Variants in MASTL observed in about 807,000 individuals in gnomAD.
The protein encoded by MASTL is serine/threonine-protein kinase greatwall.
In MASTL, 54 loss-of-function variants were observed where a neutral mutation model predicts 82.5. The ratio of observed to expected loss-of-function variants is 0.65; its 90% CI spans 0.53 to 0.82. The LOEUF is 0.82. Ranked by LOEUF, MASTL falls within the 40% of genes least tolerant of loss-of-function variation. The probability of loss-of-function intolerance (pLI) is 0.00; values close to 1 mark genes in which losing one functional copy is unlikely to be tolerated. For missense variants in MASTL, 950 were observed against 1,047.8 expected, an observed-to-expected ratio of 0.91 and a Z score of 1.29; for synonymous variants, 323 against 368.9, an observed-to-expected ratio of 0.88 and a Z score of 1.43.
intron 11 of MASTL, among the ~76,000 whole-genome samples, chr10:27,182,125 C>T (rs12269297): frequency 0.1 from 15,147 of 150,758 alleles, 2,499 homozygotes; most frequent in African/African-American, 0.35. Context: ...GTGGCGTGCA[C>T]CTGTAGTCCC....
At chr10:27,182,000 G>A (rs959850110) in intron 11 of MASTL, among the ~76,000 whole-genome samples, 4 of 151,384 alleles carry the variant, frequency 2.6e-5, no homozygotes, top group African/African-American at 9.7e-5. Context: ...GCATGAACCT[G>A]GGAGGCAGAG....
In MASTL at chr10:27,155,511, C is replaced by G; in HGVS notation, c.85C>G (p.Pro29Ala). 1 of 1,614,204 alleles carries G rather than the reference C, an allele frequency of 6.2e-7. No individual in the cohort carries two copies. Among genetic ancestry groups the G allele is most frequent in the East Asian group, 2.2e-5 (1 of 44,882 alleles). Residue 29 changes from proline to alanine, a missense_variant, in exon 1 of 12, where the codon CCG becomes GCG. By Grantham distance (27) the Pro-to-Ala change is conservative. Coordinates refer to ENST00000375940, the MANE Select transcript of MASTL (RefSeq NM_001172303.3). ...CGTGAATAGGATCGCAGTGCCAAAA[C>G]CGCCCTCCATTGAGGAATTCAGCAT... ...EGVNRIAVPK[P>A]PSIEEFSIVK...
At chr10:27,166,504 G>A (rs2136031237) in intron 6 of MASTL, among the ~76,000 whole-genome samples, 1 of 152,248 alleles carries the variant, frequency 6.6e-6, no homozygotes, top group Middle Eastern at 3.4e-3. Flanking sequence ...TTAATTTGGT[G>A]GTTCATACCT....
chr10:27,174,279 T>C (rs559399981), intron 9 of MASTL, among the ~76,000 whole-genome samples: 3 of 151,860 alleles, frequency 2.0e-5, no homozygotes, highest in Admixed American at 2.0e-4. Context: ...TGCTTGAACC[T>C]GGGAGGCCGA....
intron 9 of MASTL, among the ~76,000 whole-genome samples, chr10:27,173,787 C>G (rs2058023057): frequency 6.6e-6 from 1 of 151,852 alleles, no homozygotes; most frequent in African/African-American, 2.4e-5. Flanking sequence ...CCATGTTAGC[C>G]AGACTGGTCT....
rs1344464887 is a variant in MASTL, at chr10:27,170,005, C to G, written c.1046C>G (p.Ala349Gly). Residue 349 changes from alanine (A) to glycine (G), a missense_variant, in exon 8 of 12, where the codon GCA becomes GGA. Physicochemically the swap from Ala to Gly is moderately conservative, Grantham distance 60 (BLOSUM62 0). Transcript: ENST00000375940. ...MSWNAVEKLCAKSANAIETKG... is the reference protein window; with the variant it reads ...MSWNAVEKLCGKSANAIETKG... ...TGGAATGCAGTTGAAAAGTTATGCG[C>G]AAAATCTGCAAATGCCATTGAGACG... 7 of 1,614,088 alleles carry G rather than the reference C, an allele frequency of 4.3e-6. No homozygotes were observed. The African/African-American group carries it at 9.3e-5, about 22-fold the overall frequency.
At position 27,170,078 on chromosome 10, in the gene MASTL, T is replaced by C. The variant is rs1246987681; in HGVS notation, c.1119T>C (p.His373=). The C allele has an allele frequency of 6.2e-7, 1 of 1,614,092 alleles. No homozygotes were observed. The highest frequency in any genetic ancestry group is 1.7e-5 in the Admixed American group (1 of 60,008). The change falls in exon 8 of 12, where the codon CAT becomes CAC. Residue 373 remains histidine (H), a synonymous_variant. Transcript: ENST00000375940. ...TGGAGTTAGCTCTTTCTCCCATTCA[T>C]AACAGCAGTGCCCTTCCCACCACTG... ...KDLELALSPI[H]NSSALPTTGR...
At position 27,158,982 on chromosome 10, in the gene MASTL, T is replaced by C. The variant is rs1460550255; in HGVS notation, c.324+296T>C. ...CGAGAGGCTGAGACAGAAAGATCAC[T>C]TGAGGCCAAGAGTTCAAGACCAACT... On this transcript the variant is annotated intron_variant, in intron 2 of 11. Transcript: ENST00000375940. 2.0e-5 allele frequency among the ~76,000 whole-genome samples: 3 copies of C among 152,206 alleles called. No homozygotes were observed. In the East Asian group the frequency reaches 5.8e-4, roughly 29 times the overall value.
rs115057630 is a variant in MASTL at position 27,183,581 on chromosome 10, A to G, written c.2482+2000A>G. Among the ~76,000 whole-genome samples, 845 of 152,176 alleles carry G rather than the reference A, an allele frequency of 5.6e-3. 13 individuals are homozygous for G. Among genetic ancestry groups the G allele is most frequent in the African/African-American group, 0.019 (792 of 41,540 alleles). ...TTTAAAATTCCTTTTGTAACGAGGT[A>G]TGGTAATATAGAGAAAAGCATTACG... On this transcript the variant is annotated intron_variant, in intron 11 of 11. Coordinates refer to ENST00000375940, the MANE Select transcript of MASTL (RefSeq NM_001172303.3).
intron 11 of MASTL, among the ~76,000 whole-genome samples, chr10:27,185,423 G>A (rs955833307): frequency 5.3e-5 from 8 of 151,370 alleles, no homozygotes; most frequent in Admixed American, 1.3e-4. Flanking sequence ...CCCTGGGGTC[G>A]GGAGTTCGAG....
intron 9 of MASTL, 113 bp from the exon 10 acceptor site, chr10:27,180,840 G>T (rs1195717531): frequency 1.3e-6 from 1 of 762,076 alleles, no homozygotes; most frequent in Non-Finnish European, 2.4e-6. Flanking sequence ...CTTCCCCCTG[G>T]TCCTACCAGC....
intron 4 of MASTL, among the ~76,000 whole-genome samples, chr10:27,161,508 C>T (rs1269863924): frequency 2.5e-5 from 3 of 122,240 alleles, no homozygotes; most frequent in African/African-American, 9.2e-5. Context: ...AAATCTCTCT[C>T]AAAAAAAAAA....
At chr10:27,174,696 G>A (rs536465895) in intron 9 of MASTL, among the ~76,000 whole-genome samples, 1 of 152,136 alleles carries the variant, frequency 6.6e-6, no homozygotes, top group African/African-American at 2.4e-5. Flanking sequence ...TTTCTGTGAT[G>A]GTGTTCTCCC....
chr10:27,169,052 CATT>C (rs1382964993), intron 7 of MASTL, among the ~76,000 whole-genome samples: 1 of 152,006 alleles, frequency 6.6e-6, no homozygotes, highest in Non-Finnish European at 1.5e-5. Context: ...AAAAAAAAAT[CATT>C]ATTAATGCAT....
chr10:27,172,840 A>G (rs2057992960), intron 8 of MASTL, among the ~76,000 whole-genome samples: 1 of 151,918 alleles, frequency 6.6e-6, no homozygotes, highest in South Asian at 2.1e-4. Context: ...AGATTTTTTC[A>G]CTGAACATTT....
At chr10:27,177,852 A>C in intron 9 of MASTL, 2 of 898,310 alleles carry the variant, frequency 2.2e-6, no homozygotes, top group Non-Finnish European at 2.7e-6. Flanking sequence ...GCGGCAAAGC[A>C]CATTAAACTG....
At chr10:27,168,694 G>A (rs1268853390) in intron 7 of MASTL, among the ~76,000 whole-genome samples, 1 of 152,042 alleles carries the variant, frequency 6.6e-6, no homozygotes, top group African/African-American at 2.4e-5. Context: ...GTGGGCGCCT[G>A]TAATCCCAGC....
chr10:27,170,027 G>T lies in MASTL; in HGVS notation c.1068G>T (p.Glu356Asp), dbSNP rs746952368. Residue 356 changes from glutamate to aspartate, a missense_variant, in exon 8 of 12, where the codon GAG (glutamate) becomes GAT (aspartate). Physicochemically the swap from Glu to Asp is conservative, Grantham distance 45 (BLOSUM62 2). Transcript: ENST00000375940. ...GCGCAAAATCTGCAAATGCCATTGA[G>T]ACGAAAGGTTTCAATAAAAAGGATC... is the stretch of plus-strand genomic sequence containing the variant. ...KLCAKSANAI[E>D]TKGFNKKDLE... 4 of 1,614,144 alleles carry T rather than the reference G, an allele frequency of 2.5e-6. No homozygotes were observed. The highest frequency in any genetic ancestry group is 2.5e-6 in the Non-Finnish European group (3 of 1,180,000).
In MASTL at chr10:27,158,904, A is replaced by T. The variant is rs367931075; in HGVS notation, c.324+218A>T. On this transcript the variant is annotated intron_variant, in intron 2 of 11. Coordinates refer to ENST00000375940, the MANE Select transcript of MASTL (RefSeq NM_001172303.3). ...TGCGTGTGTATGTGTATGTATATGT[A>T]CATAGAGAGACAGGCCAAGGGGCCA... Among the ~76,000 whole-genome samples, 20 of 152,346 alleles carry T rather than the reference A, an allele frequency of 1.3e-4. No individual in the cohort carries two copies. In the East Asian group the frequency reaches 3.3e-3, roughly 25 times the overall value.
Sources: gnomAD v4.1 joint callset for allele counts (sites outside exome capture counted in the v4.1 genomes callset) on GRCh38, gnomAD v4.1.1 for gene constraint, MANE v1.5 for transcripts, NCBI Gene and HGNC (gene_info 2026-07-23, HGNC 2026-07-21) for gene names.